DUSP3: variants seen among roughly 807,000 people sequenced by gnomAD.
The protein encoded by DUSP3 is dual specificity phosphatase 3, also known as dual specificity protein phosphatase 3.
Under a neutral mutation model 15.5 loss-of-function variants are expected in DUSP3, and 7 were observed. That is an observed-to-expected ratio of 0.45 (90% confidence interval 0.26 to 0.85). The LOEUF (loss-of-function observed/expected upper bound fraction) is 0.85. Among genes scored for constraint, DUSP3 ranks in the 40% least tolerant of loss-of-function variants. The pLI is 0.18. For synonymous variants in DUSP3, 86 were observed against 104.2 expected, an observed-to-expected ratio of 0.83 and a Z score of 1.07; for missense variants, 209 against 251.7, an observed-to-expected ratio of 0.83 and a Z score of 1.15.
At chr17:43,774,965 A>G (rs980017833) in intron 1 of DUSP3, 27 bp from the exon 2 acceptor site, 3 of 1,610,196 alleles carry the variant, frequency 1.9e-6, no homozygotes, top group Non-Finnish European at 2.5e-6. Context: ...GGTGGGGATG[A>G]TTAACCAACC....
rs1295031130 is a variant in DUSP3, at chr17:43,778,908, T to G, written c.17A>C (p.Glu6Ala). 6.8e-7 allele frequency: 1 copy of G among 1,475,922 alleles called. No individual in the cohort carries two copies. The highest frequency in any genetic ancestry group is 9.0e-7 in the Non-Finnish European group (1 of 1,110,780). The allele number at this position is 1,475,922 out of a possible 1,614,324, so 91.4% of individuals were successfully genotyped here. ...GTCGTTGAGATCCTGCACCGAGAGC[T>G]CGAACGAGCCCGACATGGCGGCGGC... is the stretch of plus-strand genomic sequence containing the variant. Reference protein sequence around the residue: MSGSFELSVQDLNDLL... With the variant: MSGSFALSVQDLNDLL... Residue 6 changes from glutamate to alanine, a missense_variant, in exon 1 of 3, where the codon GAG becomes GCG. Coordinates refer to ENST00000226004, the MANE Select transcript of DUSP3 (RefSeq NM_004090.4).
At position 43,769,682 on chromosome 17, in the gene DUSP3, G is replaced by A; in HGVS notation, c.485C>T (p.Pro162Leu). Residue 162 changes from proline (P) to leucine (L), a missense_variant, in exon 3 of 3, where the codon CCC (proline) becomes CTC (leucine). Physicochemically the swap from Pro to Leu is moderately conservative, Grantham distance 98. Transcript: ENST00000226004. Reference sequence around the variant, plus strand: ...GAGCTGGGCCAGGAAGCCATCGTTGGGGCCGATCTCACGGTTCTGCCTCAC... The same window carrying A: ...GAGCTGGGCCAGGAAGCCATCGTTGAGGCCGATCTCACGGTTCTGCCTCAC... ...SIVRQNREIGPNDGFLAQLCQ... is the reference protein window; with the variant it reads ...SIVRQNREIGLNDGFLAQLCQ... 3 of 1,613,512 alleles carry A rather than the reference G, an allele frequency of 1.9e-6. No homozygotes were observed. Among genetic ancestry groups the A allele is most frequent in the Non-Finnish European group, 2.5e-6 (3 of 1,179,952 alleles).
rs557327049 is a variant in DUSP3 at position 43,774,564 on chromosome 17, A to G, written c.352+148T>C. The G allele has an allele frequency of 1.7e-5, 15 of 868,262 alleles. No homozygotes were observed. The Admixed American group carries it at 3.5e-4, about 21-fold the overall frequency. 53.8% of individuals were successfully genotyped at this position (868,262 alleles called of 1,614,324 possible). A position where few individuals can be genotyped will look rare whatever the true frequency, so the allele number is the denominator to read the frequency against. ...GGGCCACTTGACAGCCAGCCAGGTG[A>G]GCAGAGAGAGACCTACAGCTCTGTC... On this transcript the variant is annotated intron_variant, in intron 2 of 2. Transcript: ENST00000226004.
Position 43,767,494 on chromosome 17 carries a change from G to A in DUSP3, c.*2115C>T, listed in dbSNP as rs982381824. The A allele has an allele frequency of 4.6e-5, 7 of 152,628 alleles. No individual in the cohort carries two copies. The highest frequency in any genetic ancestry group is 8.8e-5 in the Non-Finnish European group (6 of 68,054). The allele number at this position is 152,628 out of a possible 1,614,324, so 9.5% of individuals were successfully genotyped here. A position where few individuals can be genotyped will look rare whatever the true frequency, so the allele number is the denominator to read the frequency against. ...GTATGAAAGAATCCAGCTTCAGGGA[G>A]CAGCAAACCCAAAATCTTGCCCAGC... is the stretch of plus-strand genomic sequence containing the variant. On this transcript the variant is annotated 3_prime_UTR_variant, in exon 3 of 3. Coordinates refer to ENST00000226004, the MANE Select transcript of DUSP3 (RefSeq NM_004090.4).
At position 43,769,585 on chromosome 17, in the gene DUSP3, T is replaced by C; in HGVS notation, c.*24A>G. ...GCCCACGGCCTCCCCCACGGACCTC[T>C]CGAGCAGAGGTGGTGGGGGTGCCCT... On this transcript the variant is annotated 3_prime_UTR_variant, in exon 3 of 3. Transcript: ENST00000226004. 6.2e-7 allele frequency: 1 copy of C among 1,610,104 alleles called. No individual in the cohort carries two copies. Among genetic ancestry groups the C allele is most frequent in the South Asian group, 1.1e-5 (1 of 90,934 alleles).
rs1044707183 is a variant in DUSP3, at chr17:43,768,551, C to T, written c.*1058G>A. 2.0e-5 allele frequency: 3 copies of T among 152,188 alleles called. No homozygotes were observed. Among genetic ancestry groups the T allele is most frequent in the African/African-American group, 7.2e-5 (3 of 41,412 alleles). 9.4% of individuals were successfully genotyped at this position (152,188 alleles called of 1,614,324 possible). Reference sequence around the variant, plus strand: ...CACCTGCAATGGGCAGGGTGTGTGCCTGGGACCTTTCACTTCCCTGCTTGT... The same window carrying T: ...CACCTGCAATGGGCAGGGTGTGTGCTTGGGACCTTTCACTTCCCTGCTTGT... On this transcript the variant is annotated 3_prime_UTR_variant, in exon 3 of 3. Coordinates refer to ENST00000226004, the MANE Select transcript of DUSP3 (RefSeq NM_004090.4).
chr17:43,775,578 C>T (rs2154590699), intron 1 of DUSP3, among the ~76,000 whole-genome samples: 1 of 152,282 alleles, frequency 6.6e-6, no homozygotes, highest in South Asian at 2.1e-4. Context: ...AGAGAGGAAC[C>T]ATGTCTGCTT....
intron 2 of DUSP3, among the ~76,000 whole-genome samples, chr17:43,771,980 A>G (rs1291346414): frequency 6.7e-6 from 1 of 150,294 alleles, no homozygotes; most frequent in Non-Finnish European, 1.5e-5. Flanking sequence ...ACTGTACTCC[A>G]GCCTGGGTGA....
chr17:43,775,047 G>A, intron 1 of DUSP3, 109 bp from the exon 2 acceptor site: 1 of 1,130,468 alleles, frequency 8.8e-7, no homozygotes, highest in Non-Finnish European at 1.3e-6. Flanking sequence ...AACCCTCCAT[G>A]CTCTGGCCCC....
At chr17:43,778,521 A>G (rs1254927125) in intron 1 of DUSP3, among the ~76,000 whole-genome samples, 1 of 152,108 alleles carries the variant, frequency 6.6e-6, no homozygotes, top group Admixed American at 6.5e-5. Flanking sequence ...CCAAGCCCCA[A>G]GCGGGTGGCG....
intron 2 of DUSP3, among the ~76,000 whole-genome samples, chr17:43,772,354 G>C (rs1598301079): frequency 6.6e-6 from 1 of 152,160 alleles, no homozygotes; most frequent in African/African-American, 2.4e-5. Flanking sequence ...CTAGGAATGA[G>C]ACCCTCTGCA....
intron 2 of DUSP3, among the ~76,000 whole-genome samples, chr17:43,773,168 C>A (rs1056242649): frequency 6.6e-6 from 1 of 152,164 alleles, no homozygotes; most frequent in Non-Finnish European, 1.5e-5. Flanking sequence ...GAGCCCTGAG[C>A]GTTCACTGTC....
chr17:43,774,845 G>A lies in DUSP3; in HGVS notation c.219C>T (p.Thr73=), dbSNP rs369878372. ...CGGAGTCCTTGTAGAAGTTGGCATT[G>A]GTGTTGACGTGCATGAAGGACCTGC... ...AEGRSFMHVN[T]NANFYKDSGI... is the part of the protein sequence containing the mutation. Residue 73 remains threonine (T), a synonymous_variant, in exon 2 of 3, where the codon ACC becomes ACT. Coordinates refer to ENST00000226004, the MANE Select transcript of DUSP3 (RefSeq NM_004090.4). The A allele has an allele frequency of 1.9e-5, 30 of 1,614,058 alleles. No individual in the cohort carries two copies. Among genetic ancestry groups the A allele is most frequent in the Non-Finnish European group, 2.4e-5 (28 of 1,180,040 alleles).
chr17:43,776,495 A>C (rs77500123), intron 1 of DUSP3, among the ~76,000 whole-genome samples: 1,854 of 152,352 alleles, frequency 0.012, 42 homozygotes, highest in African/African-American at 0.043. Context: ...CATGTGGCTC[A>C]CACAGGCTCT....
intron 2 of DUSP3, among the ~76,000 whole-genome samples, chr17:43,770,990 ATGTGTGTGTGTGTGTG>A (rs71160061): frequency 2.0e-5 from 3 of 146,656 alleles, no homozygotes; most frequent in African/African-American, 7.7e-5. Context: ...GTGTATATAT[ATGTGTGTGTGTGTGTG>A]TGTGTGTGTG....
rs186446641 is a variant in DUSP3, at chr17:43,776,444, C to T, written c.126-1506G>A. Among the ~76,000 whole-genome samples, 51 of 152,350 alleles carry T rather than the reference C, an allele frequency of 3.3e-4. No homozygotes were observed. The East Asian group carries it at 9.8e-3, about 29-fold the overall frequency. On this transcript the variant is annotated intron_variant, in intron 1 of 2. Transcript: ENST00000226004. ...GCTCTATCTTCCACCTCACTCTGCC[C>T]CTCATGCCCACATCTGCTGCAAAAC...
At chr17:43,772,974 A>G (rs1598301238) in intron 2 of DUSP3, among the ~76,000 whole-genome samples, 1 of 152,184 alleles carries the variant, frequency 6.6e-6, no homozygotes, top group Admixed American at 6.5e-5. Context: ...TGAATAACCA[A>G]TTGCTATTAT....
At chr17:43,775,215 A>G (rs1208814741) in intron 1 of DUSP3, among the ~76,000 whole-genome samples, 1 of 151,932 alleles carries the variant, frequency 6.6e-6, no homozygotes, top group East Asian at 1.9e-4. Flanking sequence ...GCGCCCTCTC[A>G]TCTTTCACAC....
chr17:43,777,555 G>T (rs1448642550), intron 1 of DUSP3: 2 of 455,936 alleles, frequency 4.4e-6, no homozygotes, highest in African/African-American at 4.0e-5. Flanking sequence ...CCCTGTCCTT[G>T]TAGTCCCTCA....
Sources: gnomAD v4.1 joint callset for allele counts (sites outside exome capture counted in the v4.1 genomes callset) on GRCh38, gnomAD v4.1.1 for gene constraint, MANE v1.5 for transcripts, NCBI Gene and HGNC (gene_info 2026-07-23, HGNC 2026-07-21) for gene names.